The following PTP4A3 variants were observed in gnomAD, a reference collection of about 807,000 sequenced individuals.
The protein encoded by PTP4A3 is protein tyrosine phosphatase type IVA 3.
PTP4A3 carries 9 observed loss-of-function variants against 15.2 expected under a neutral mutation model. The ratio of observed to expected loss-of-function variants is 0.59; its 90% CI spans 0.36 to 1.03. The LOEUF (loss-of-function observed/expected upper bound fraction) is 1.03. Ranked by LOEUF, PTP4A3 falls within the 50% of genes least tolerant of loss-of-function variation. PTP4A3 has a pLI of 0.02. For missense variants in PTP4A3, 234 were observed against 252.1 expected, an observed-to-expected ratio of 0.93 and a Z score of 0.49; for synonymous variants, 95 against 102.0, an observed-to-expected ratio of 0.93 and a Z score of 0.41.
chr8:141,414,026 G>A (rs1201716477), intron 1 of PTP4A3, among the ~76,000 whole-genome samples: 1 of 152,222 alleles, frequency 6.6e-6, no homozygotes, highest in African/African-American at 2.4e-5. Context: ...CATCTTCCCG[G>A]CACAGGCATC....
chr8:141,394,583 G>A (rs949963022), intron 1 of PTP4A3, among the ~76,000 whole-genome samples: 2 of 152,212 alleles, frequency 1.3e-5, no homozygotes, highest in African/African-American at 4.8e-5. Flanking sequence ...GTGTCTTGCT[G>A]GATACTTGGT....
intron 1 of PTP4A3, among the ~76,000 whole-genome samples, chr8:141,411,886 C>G (rs996898618): frequency 6.6e-6 from 1 of 152,126 alleles, no homozygotes; most frequent in African/African-American, 2.4e-5. Context: ...AGTGCCCACC[C>G]TGGGTAGGCC....
At chr8:141,427,108 G>T (rs767154299) in intron 4 of PTP4A3, 39 bp downstream of exon 4, 1 of 1,583,532 alleles carries the variant, frequency 6.3e-7, no homozygotes, top group East Asian at 2.3e-5. Flanking sequence ...CATGTCAGGT[G>T]GTTGGGCATC....
intron 1 of PTP4A3, among the ~76,000 whole-genome samples, chr8:141,414,118 G>A (rs1247004793): frequency 6.6e-6 from 1 of 152,232 alleles, no homozygotes; most frequent in African/African-American, 2.4e-5. Flanking sequence ...ATGCAGGTCA[G>A]TGTGTGTGCT....
chr8:141,426,893 C>A, intron 3 of PTP4A3, 46 bp from the exon 4 acceptor site: 1 of 1,594,896 alleles, frequency 6.3e-7, no homozygotes, highest in South Asian at 1.1e-5. Flanking sequence ...AGCCGCCTCT[C>A]TACCCTCCCT....
At chr8:141,428,064 C>A (rs1019531065) in intron 5 of PTP4A3, among the ~76,000 whole-genome samples, 3 of 152,106 alleles carry the variant, frequency 2.0e-5, no homozygotes, top group Admixed American at 6.5e-5. Flanking sequence ...GCCACGCCGT[C>A]CTGCCCGCCC....
In PTP4A3 at chr8:141,431,508, A is replaced by ATCT; in HGVS notation, c.*464_*465insTCT. On this transcript the variant is annotated 3_prime_UTR_variant, in exon 6 of 6. Coordinates refer to ENST00000521578, the MANE Select transcript of PTP4A3 (RefSeq NM_032611.3). ...TGCTCCGGACACCCGAAGGCAATAA[A>ATCT]ACAGGAGCCGTGGCCGTGTGTGTGG... 6.4e-6 allele frequency: 1 copy of ATCT among 155,760 alleles called. No individual in the cohort carries two copies. Among genetic ancestry groups the ATCT allele is most frequent in the Non-Finnish European group, 1.4e-5 (1 of 70,524 alleles). 9.6% of individuals were successfully genotyped at this position (155,760 alleles called of 1,614,324 possible). A position where few individuals can be genotyped will look rare whatever the true frequency, so the allele number is the denominator to read the frequency against.
chr8:141,405,530 A>G (rs1396246088), intron 1 of PTP4A3, among the ~76,000 whole-genome samples: 1 of 152,184 alleles, frequency 6.6e-6, no homozygotes, highest in Non-Finnish European at 1.5e-5. Context: ...CTTCATCCTC[A>G]GCATCCTCAT....
chr8:141,411,444 A>G (rs1001267063), intron 1 of PTP4A3, among the ~76,000 whole-genome samples: 1 of 152,134 alleles, frequency 6.6e-6, no homozygotes, highest in African/African-American at 2.4e-5. Flanking sequence ...GGGTAGCCCT[A>G]TCCCCCTGGG....
chr8:141,412,776 C>T (rs1832903967), intron 1 of PTP4A3, among the ~76,000 whole-genome samples: 1 of 152,216 alleles, frequency 6.6e-6, no homozygotes, highest in South Asian at 2.1e-4. Flanking sequence ...TGTGTATTCT[C>T]ATCTGGTGAT....
chr8:141,424,447 C>T (rs1282261018), intron 2 of PTP4A3, among the ~76,000 whole-genome samples: 2 of 152,176 alleles, frequency 1.3e-5, no homozygotes, highest in Non-Finnish European at 2.9e-5. Flanking sequence ...TCTGAGGCGC[C>T]CCAGCTGATG....
At position 141,431,176 on chromosome 8, in the gene PTP4A3, TC is replaced by T. The variant is rs1438326057; in HGVS notation, c.*136del. The T allele has an allele frequency of 2.5e-6, 2 of 816,082 alleles. No homozygotes were observed. Among genetic ancestry groups the T allele is most frequent in the South Asian group, 1.6e-5 (1 of 62,548 alleles). The allele number at this position is 816,082 out of a possible 1,614,324, so 50.6% of individuals were successfully genotyped here. ...TGGCTGGCCCCACATCGCCTTTTCC[TC>T]CCCGACACCTCCGTGCACTTGTGTC... On this transcript the variant is annotated 3_prime_UTR_variant, in exon 6 of 6. Coordinates refer to ENST00000521578, the MANE Select transcript of PTP4A3 (RefSeq NM_032611.3).
rs1014579275 is a variant in PTP4A3, at chr8:141,429,222, C to T, written c.404+1398C>T. ...CGGCTGCTGGGCGAGGAAACGAGCA[C>T]GGTGGAGCCACACGGGGCACCTGCA... On this transcript the variant is annotated intron_variant, in intron 5 of 5. Transcript: ENST00000521578. 2.6e-5 allele frequency among the ~76,000 whole-genome samples: 4 copies of T among 152,370 alleles called. No homozygotes were observed. In the South Asian group the frequency reaches 8.3e-4, roughly 32 times the overall value.
At chr8:141,412,482 G>GCTGC (rs1216862581) in intron 1 of PTP4A3, among the ~76,000 whole-genome samples, 1 of 152,206 alleles carries the variant, frequency 6.6e-6, no homozygotes, top group Non-Finnish European at 1.5e-5. Flanking sequence ...GCAAGCAGGG[G>GCTGC]CTGCCTGCCT....
At chr8:141,412,142 T>C (rs963372647) in intron 1 of PTP4A3, among the ~76,000 whole-genome samples, 1 of 152,184 alleles carries the variant, frequency 6.6e-6, no homozygotes, top group African/African-American at 2.4e-5. Context: ...GGTGCTGCGC[T>C]GGGCAGTGGC....
chr8:141,430,048 C>T (rs1586573941), intron 5 of PTP4A3, among the ~76,000 whole-genome samples: 1 of 117,068 alleles, frequency 8.5e-6, no homozygotes. Flanking sequence ...GACCAGGTGG[C>T]GGGGACAGGG....
rs1333614176 is a variant in PTP4A3, at chr8:141,406,912, CA to C, written c.-853-14471del. 1.3e-5 allele frequency among the ~76,000 whole-genome samples: 2 copies of C among 152,184 alleles called. No homozygotes were observed. Among genetic ancestry groups the C allele is most frequent in the African/African-American group, 4.8e-5 (2 of 41,448 alleles). Reference sequence around the variant, plus strand: ...TCATGCAGGTTATGCTTTGAACTTCCAAAAATGCGCTCAGAAATCTTTCCTG... The same window carrying C: ...TCATGCAGGTTATGCTTTGAACTTCCAAAATGCGCTCAGAAATCTTTCCTG... On this transcript the variant is annotated intron_variant, in intron 1 of 5. Coordinates refer to ENST00000521578, the MANE Select transcript of PTP4A3 (RefSeq NM_032611.3). This position sits in a 1 kb window ranked among gnomAD's most constrained non-coding sequence, Gnocchi z 4.5.
At chr8:141,426,899 T>C in intron 3 of PTP4A3, 40 bp from the exon 4 acceptor site, 1 of 1,598,174 alleles carries the variant, frequency 6.3e-7, no homozygotes, top group South Asian at 1.1e-5. Flanking sequence ...CTCTCTACCC[T>C]CCCTCAGCCG....
chr8:141,407,890 A>G (rs1832770149), intron 1 of PTP4A3, among the ~76,000 whole-genome samples: 1 of 152,168 alleles, frequency 6.6e-6, no homozygotes, highest in South Asian at 2.1e-4. Context: ...TTCTTAAAAC[A>G]TCATGAGGTT....
Sources: gnomAD v4.1 joint callset for allele counts (sites outside exome capture counted in the v4.1 genomes callset) on GRCh38, gnomAD v4.1.1 for gene constraint, Gnocchi (gnomAD v3.1) non-coding constraint, MANE v1.5 for transcripts, NCBI Gene and HGNC (gene_info 2026-07-23, HGNC 2026-07-21) for gene names.